PACRG: variants seen among roughly 807,000 people sequenced by gnomAD.
The protein encoded by PACRG is parkin coregulated gene protein.
In PACRG, 29 loss-of-function variants were observed where a neutral mutation model predicts 29.7. The observed-to-expected ratio is 0.98, with a 90% confidence interval of 0.73 to 1.33. PACRG has a LOEUF of 1.33. Among genes scored for constraint, PACRG ranks in the 40% most tolerant of loss-of-function variants. The pLI is 0.00. For synonymous variants in PACRG, 116 were observed against 118.7 expected, an observed-to-expected ratio of 0.98 and a Z score of 0.15; for missense variants, 279 against 316.2, an observed-to-expected ratio of 0.88 and a Z score of 0.89.
intron 2 of PACRG, among the ~76,000 whole-genome samples, chr6:162,900,179 G>A (rs138490134): frequency 2.0e-5 from 3 of 152,104 alleles, no homozygotes; most frequent in Non-Finnish European, 4.4e-5. Context: ...AGGGAGGATC[G>A]GTAAAGGAAC....
At chr6:162,830,789 G>A (rs1584481872) in intron 2 of PACRG, among the ~76,000 whole-genome samples, 1 of 152,304 alleles carries the variant, frequency 6.6e-6, no homozygotes, top group East Asian at 1.9e-4. Context: ...GGGCTCAGTT[G>A]AAGGAGACGA....
At chr6:162,947,347 TTA>T (rs1562765634) in intron 2 of PACRG, among the ~76,000 whole-genome samples, 1,074 of 51,040 alleles carry the variant, frequency 0.021, 163 homozygotes, top group Middle Eastern at 0.086. Flanking sequence ...TATATAATGA[TTA>T]CATATATATA....
intron 1 of PACRG, among the ~76,000 whole-genome samples, chr6:162,803,575 A>G (rs1464302524): frequency 6.6e-6 from 1 of 152,248 alleles, no homozygotes; most frequent in East Asian, 1.9e-4. Context: ...AAACTTTTAA[A>G]TGCTAAATAA....
At chr6:162,845,583 C>T (rs1790300050) in intron 2 of PACRG, among the ~76,000 whole-genome samples, 1 of 152,152 alleles carries the variant, frequency 6.6e-6, no homozygotes, top group African/African-American at 2.4e-5. Flanking sequence ...TAAACTTTGA[C>T]TTTTCTTCAT....
intron 2 of PACRG, among the ~76,000 whole-genome samples, chr6:162,857,310 T>C (rs1024788544): frequency 6.6e-6 from 1 of 152,162 alleles, no homozygotes; most frequent in African/African-American, 2.4e-5. Flanking sequence ...CCGTGTCACT[T>C]AAGAAATAAT....
intron 2 of PACRG, among the ~76,000 whole-genome samples, chr6:163,023,201 T>C (rs1244255014): frequency 3.3e-5 from 5 of 152,146 alleles, no homozygotes; most frequent in Admixed American, 1.3e-4. Flanking sequence ...TAATACCCGA[T>C]GGGTAGTTTT....
intron 1 of PACRG, among the ~76,000 whole-genome samples, chr6:162,782,717 T>C (rs1784185311): frequency 6.6e-6 from 1 of 151,818 alleles, no homozygotes; most frequent in Non-Finnish European, 1.5e-5. Context: ...AGAAAATTTG[T>C]TATGGAAAAA....
chr6:162,990,223 G>T (rs1288505071), intron 2 of PACRG, among the ~76,000 whole-genome samples: 1 of 151,006 alleles, frequency 6.6e-6, no homozygotes, highest in Non-Finnish European at 1.5e-5. Flanking sequence ...CTTTATAGCA[G>T]CATGATTTAT....
At chr6:163,279,890 C>A (rs559299221) in intron 4 of PACRG, among the ~76,000 whole-genome samples, 52 of 152,292 alleles carry the variant, frequency 3.4e-4, no homozygotes, top group Non-Finnish European at 6.3e-4. Flanking sequence ...TATTGAATTA[C>A]CTGGGAAGAA....
intron 2 of PACRG, among the ~76,000 whole-genome samples, chr6:162,953,114 CTTTAA>C (rs1483309902): frequency 1.3e-5 from 2 of 152,010 alleles, no homozygotes; most frequent in Non-Finnish European, 2.9e-5. Context: ...GAGTGTGTTG[CTTTAA>C]TTTAAAGAAC....
rs1202301470 is a variant in PACRG at position 162,747,377 on chromosome 6, T to C, written c.156+18986T>C. 1.3e-4 allele frequency among the ~76,000 whole-genome samples: 9 copies of C among 69,164 alleles called. 1 individual carries two copies. Among genetic ancestry groups the C allele is most frequent in the South Asian group, 9.6e-4 (1 of 1,038 alleles). The allele number at this position is 69,164 out of a possible 152,430, so 45.4% of individuals were successfully genotyped here. ...ATATATATATATACACATACATATA[T>C]ATGTATATATATGTATATATATATG... On this transcript the variant is annotated intron_variant, in intron 1 of 4. Transcript: ENST00000366888.
intron 3 of PACRG, among the ~76,000 whole-genome samples, chr6:163,074,793 A>C (rs905614400): frequency 1.3e-5 from 2 of 152,218 alleles, no homozygotes; most frequent in Admixed American, 6.5e-5. Flanking sequence ...CCTTTAAATT[A>C]CGAATAACAT....
At chr6:162,961,903 C>T (rs2128145230) in intron 2 of PACRG, among the ~76,000 whole-genome samples, 1 of 152,300 alleles carries the variant, frequency 6.6e-6, no homozygotes, top group Admixed American at 6.5e-5. Context: ...TGGCCCCTAC[C>T]TACCTCTCTG....
intron 1 of PACRG, 93 bp downstream of exon 1, chr6:162,728,484 A>G (rs529151370): frequency 2.8e-5 from 42 of 1,478,610 alleles, no homozygotes; most frequent in Non-Finnish European, 3.7e-5. Context: ...ACTCTGAGCC[A>G]TGTCCTGGGT....
chr6:163,283,490 TTAGG>T (rs1784285868), intron 4 of PACRG, among the ~76,000 whole-genome samples: 1 of 152,222 alleles, frequency 6.6e-6, no homozygotes, highest in Admixed American at 6.5e-5. Context: ...AATCAATGTG[TTAGG>T]TTTTTCCAAT....
intron 2 of PACRG, among the ~76,000 whole-genome samples, chr6:162,880,634 A>T (rs1386416199): frequency 6.6e-6 from 1 of 152,242 alleles, no homozygotes; most frequent in Non-Finnish European, 1.5e-5. Flanking sequence ...ATCAGCCATG[A>T]CTATTAAACA....
chr6:163,292,872 C>G (rs1446977630), intron 4 of PACRG, among the ~76,000 whole-genome samples: 1 of 152,156 alleles, frequency 6.6e-6, no homozygotes, highest in African/African-American at 2.4e-5. Context: ...AAAAGATTTT[C>G]CTCCATTCCT....
At chr6:163,137,350 C>G (rs1274025389) in intron 4 of PACRG, among the ~76,000 whole-genome samples, 1 of 152,012 alleles carries the variant, frequency 6.6e-6, no homozygotes, top group African/African-American at 2.4e-5. Context: ...CCCAACACTG[C>G]AACTCCCTGC....
intron 4 of PACRG, among the ~76,000 whole-genome samples, chr6:163,115,043 G>A (rs1815910347): frequency 6.6e-6 from 1 of 152,194 alleles, no homozygotes; most frequent in African/African-American, 2.4e-5. Flanking sequence ...CTTTAAAGAT[G>A]TGTCTATGAT....
Sources: allele counts gnomAD v4.1 joint callset (sites outside exome capture counted in the v4.1 genomes callset), GRCh38; gene constraint gnomAD v4.1.1; transcripts MANE v1.5; gene names NCBI Gene and HGNC (gene_info 2026-07-23, HGNC 2026-07-21).